EPB41L2: variants seen among roughly 807,000 people sequenced by gnomAD.
EPB41L2 encodes the protein band 4.1-like protein 2.
A neutral mutation model predicts 113.0 loss-of-function variants in EPB41L2; 43 were observed. The observed-to-expected ratio is 0.38, with a 90% CI of 0.30 to 0.49. EPB41L2 has a LOEUF of 0.49. EPB41L2 is among the 20% of genes least tolerant of loss of function. EPB41L2 has a pLI of 0.95. For synonymous variants in EPB41L2, 442 were observed against 436.7 expected (o/e 1.01, Z -0.15); for missense variants, 1,147 against 1,223.4 (o/e 0.94, Z 0.93).
rs548669705 is a variant in EPB41L2 at position 131,027,897 on chromosome 6, A to G, written c.-15+35258T>C. Among the ~76,000 whole-genome samples, 13 of 152,354 alleles carry G rather than the reference A, an allele frequency of 8.5e-5. 1 individual carries two copies. In the South Asian group the frequency reaches 2.3e-3, roughly 27 times the overall value. On this transcript the variant is annotated intron_variant, in intron 1 of 19. Transcript: ENST00000337057. ...AAAATTTTACATTATAACTTCTCTC[A>G]TAAGTGCCTAAGCAAAATTCAAATA...
chr6:131,026,797 C>T (rs1790958289), intron 1 of EPB41L2, among the ~76,000 whole-genome samples: 1 of 152,184 alleles, frequency 6.6e-6, no homozygotes, highest in African/African-American at 2.4e-5. Context: ...CTCCTCTAGT[C>T]TGTATGGAAA....
intron 1 of EPB41L2, among the ~76,000 whole-genome samples, chr6:131,055,249 T>G (rs1282796955): frequency 6.6e-6 from 1 of 152,158 alleles, no homozygotes; most frequent in African/African-American, 2.4e-5. Flanking sequence ...CATTTGCACT[T>G]TAAATGAAAG....
At chr6:130,846,568 C>G (rs528490119) in intron 19 of EPB41L2, among the ~76,000 whole-genome samples, 1 of 152,212 alleles carries the variant, frequency 6.6e-6, no homozygotes, top group Admixed American at 6.5e-5. Flanking sequence ...AGCACAGTAT[C>G]TGTTCTACAA....
At chr6:131,025,722 A>G (rs1790715431) in intron 1 of EPB41L2, among the ~76,000 whole-genome samples, 1 of 152,116 alleles carries the variant, frequency 6.6e-6, no homozygotes, top group African/African-American at 2.4e-5. Flanking sequence ...CTTTGTTCCT[A>G]TAGCAAACTC....
chr6:130,906,872 C>G (rs1382541462), intron 5 of EPB41L2, among the ~76,000 whole-genome samples: 1 of 152,140 alleles, frequency 6.6e-6, no homozygotes, highest in African/African-American at 2.4e-5. Flanking sequence ...GGGTACAGTA[C>G]AGGATGCCAT....
chr6:130,892,161 A>C (rs1307180492), intron 10 of EPB41L2, among the ~76,000 whole-genome samples: 2 of 152,118 alleles, frequency 1.3e-5, no homozygotes, highest in Non-Finnish European at 2.9e-5. Flanking sequence ...AACTCCTGCT[A>C]CAAGAATACA....
chr6:130,854,266 T>C (rs1366060864), intron 19 of EPB41L2, among the ~76,000 whole-genome samples: 1 of 148,854 alleles, frequency 6.7e-6, no homozygotes, highest in Non-Finnish European at 1.5e-5. Context: ...CATGTTTGCT[T>C]TGTCTATCAC....
intron 3 of EPB41L2, among the ~76,000 whole-genome samples, chr6:130,948,850 T>A (rs1813840542): frequency 1.3e-5 from 2 of 152,234 alleles, no homozygotes; most frequent in Non-Finnish European, 2.9e-5. Flanking sequence ...TCTGCACATG[T>A]GTGCATCTAA....
chr6:131,020,475 T>C (rs929129139), intron 1 of EPB41L2, among the ~76,000 whole-genome samples: 1 of 152,238 alleles, frequency 6.6e-6, no homozygotes, highest in Admixed American at 6.5e-5. Context: ...GTCTACCTTT[T>C]ACATCCTCCT....
chr6:130,906,437 A>T (rs950225002), intron 5 of EPB41L2, among the ~76,000 whole-genome samples: 3 of 152,190 alleles, frequency 2.0e-5, no homozygotes, highest in African/African-American at 7.2e-5. Flanking sequence ...TACTCTTCAC[A>T]TACTATTTTT....
rs143378306 is a variant in EPB41L2, at chr6:130,984,780, C to T, written c.-14-28281G>A. ...AAGAAAATACATACATTCTAGATCA[C>T]ACTTATCCTTTCTATTTTTTAACTG... On this transcript the variant is annotated intron_variant, in intron 1 of 19. Coordinates refer to ENST00000337057, the MANE Select transcript of EPB41L2 (RefSeq NM_001431.4). Among the ~76,000 whole-genome samples the T allele has an allele frequency of 4.6e-5, 7 of 152,284 alleles. No homozygotes were observed. In the East Asian group the frequency reaches 1.2e-3, roughly 25 times the overall value.
chr6:130,915,672 T>C (rs1225077797), intron 4 of EPB41L2, among the ~76,000 whole-genome samples: 1 of 152,212 alleles, frequency 6.6e-6, no homozygotes, highest in Non-Finnish European at 1.5e-5. Context: ...TCTCATCTTG[T>C]AGCTCCCATG....
chr6:130,855,087 G>T (rs1383416898), intron 19 of EPB41L2, among the ~76,000 whole-genome samples: 1 of 151,496 alleles, frequency 6.6e-6, no homozygotes, highest in Non-Finnish European at 1.5e-5. Context: ...AGTGGCTCAC[G>T]CCTGTAAACT....
chr6:130,923,008 C>A (rs1222097541), intron 4 of EPB41L2, among the ~76,000 whole-genome samples: 1 of 152,152 alleles, frequency 6.6e-6, no homozygotes, highest in Non-Finnish European at 1.5e-5. Context: ...CTCAATATGT[C>A]AGAAACTACA....
intron 3 of EPB41L2, among the ~76,000 whole-genome samples, chr6:130,946,145 A>G (rs1415540268): frequency 6.6e-6 from 1 of 152,212 alleles, no homozygotes; most frequent in Non-Finnish European, 1.5e-5. Context: ...TATAGAATGT[A>G]AATTGTAATT....
chr6:130,973,454 T>C (rs1777417071), intron 1 of EPB41L2, among the ~76,000 whole-genome samples: 1 of 152,214 alleles, frequency 6.6e-6, no homozygotes, highest in Non-Finnish European at 1.5e-5. Context: ...AAATGTGTTT[T>C]TTAATAAATA....
intron 1 of EPB41L2, among the ~76,000 whole-genome samples, chr6:131,026,976 C>T (rs762983069): frequency 2.6e-5 from 4 of 152,132 alleles, no homozygotes; most frequent in Non-Finnish European, 5.9e-5. Context: ...TGTTACTGGT[C>T]TAAAACTTAC....
At position 130,870,043 on chromosome 6, in the gene EPB41L2, C is replaced by T. The variant is rs1785149631; in HGVS notation, c.2127G>A (p.Met709Ile). Residue 709 changes from methionine (M) to isoleucine (I), a missense_variant, in exon 15 of 20, where the codon ATG becomes ATA. Physicochemically the swap from Met to Ile is conservative, Grantham distance 10. Transcript: ENST00000337057. ...GKDERVITEE[M>I]NGKEISPGSG... ...TCCCAGGTGATATCTCTTTACCATT[C>T]ATTTCTTCTGTGATTACTCTTTCGT... 1 of 1,614,030 alleles carries T rather than the reference C, an allele frequency of 6.2e-7. No homozygotes were observed. The highest frequency in any genetic ancestry group is 8.5e-7 in the Non-Finnish European group (1 of 1,180,018).
At chr6:130,951,775 T>C (rs566992011) in intron 3 of EPB41L2, among the ~76,000 whole-genome samples, 3 of 151,914 alleles carry the variant, frequency 2.0e-5, no homozygotes, top group Non-Finnish European at 2.9e-5. Context: ...TGAGACTTAA[T>C]TGGCCAATGA....
Sources: gnomAD v4.1 joint callset for allele counts (sites outside exome capture counted in the v4.1 genomes callset) on GRCh38, gnomAD v4.1.1 for gene constraint, MANE v1.5 for transcripts, NCBI Gene and HGNC (gene_info 2026-07-23, HGNC 2026-07-21) for gene names.